The following MIGA2 variants were observed in gnomAD, a reference collection of about 807,000 sequenced individuals.
MIGA2 encodes the protein family with sequence similarity 73, member B.
In MIGA2, 36 loss-of-function variants were observed where a neutral mutation model predicts 69.9. That is an observed-to-expected ratio of 0.52 (90% confidence interval 0.39 to 0.68). MIGA2 has a LOEUF of 0.68. MIGA2 is among the 30% of genes least tolerant of loss of function. The pLI, the probability that MIGA2 is intolerant of heterozygous loss-of-function variation, is 0.00. For missense variants in MIGA2, 660 were observed against 787.7 expected (o/e 0.84, Z 1.94); for synonymous variants, 333 against 349.2 (o/e 0.95, Z 0.52).
intron 6 of MIGA2, among the ~76,000 whole-genome samples, chr9:129,053,707 T>C (rs1845663513): frequency 6.6e-6 from 1 of 152,188 alleles, no homozygotes; most frequent in African/African-American, 2.4e-5. Flanking sequence ...AAATATAGGC[T>C]GGGCACAGTG....
In MIGA2 at chr9:129,068,175, C is replaced by T. The variant is rs1236352421; in HGVS notation, c.1270-23C>T. ...CTCCGGCAGTGCCCCCATGCATGAG[C>T]CTCCCGGGGGCACCCTCTGTAGGTG... On this transcript the variant is annotated intron_variant, in intron 12 of 15. Coordinates refer to ENST00000684074, the MANE Select transcript of MIGA2 (RefSeq NM_001329990.2). The surrounding 1 kb of genome is among the most constrained non-coding windows in gnomAD (Gnocchi z 4.1). 6.2e-7 allele frequency: 1 copy of T among 1,613,568 alleles called. No individual in the cohort carries two copies. Among genetic ancestry groups the T allele is most frequent in the Non-Finnish European group, 8.5e-7 (1 of 1,179,986 alleles).
At chr9:129,051,253 ATTATTTAT>A (rs752763430) in intron 6 of MIGA2, 20 of 173,006 alleles carry the variant, frequency 1.2e-4, no homozygotes, top group African/African-American at 4.3e-4. Context: ...TCAACAGTGA[ATTATTTAT>A]TTATTTATTT....
At chr9:129,063,361 A>T in intron 10 of MIGA2, 45 bp downstream of exon 10, 1 of 1,606,456 alleles carries the variant, frequency 6.2e-7, no homozygotes. Context: ...GGCAAGGGGT[A>T]GTCAGGCTGG....
rs550220083 is a variant in MIGA2, at chr9:129,067,819, C to T, written c.1217C>T (p.Ala406Val). ...AGCTACGAGGAGATGCTGAGCTATG[C>T]CCTGCGGCCCGAGACCTGGGCCACA... ...LESYEEMLSY[A>V]LRPETWATTR... Residue 406 changes from alanine (A) to valine (V), a missense_variant, in exon 12 of 16, where the codon GCC (alanine) becomes GTC (valine). Physicochemically the swap from Ala to Val is moderately conservative, Grantham distance 64 (BLOSUM62 0). This residue lies in a region of MIGA2 where 220 missense variants were observed against 301.7 expected (regional missense o/e 0.73). Coordinates refer to ENST00000684074, the MANE Select transcript of MIGA2 (RefSeq NM_001329990.2). The T allele has an allele frequency of 4.3e-6, 7 of 1,613,250 alleles. No individual in the cohort carries two copies. In the South Asian group the frequency reaches 6.6e-5, roughly 15 times the overall value.
chr9:129,063,762 C>G, intron 11 of MIGA2, 131 bp downstream of exon 11: 1 of 806,746 alleles, frequency 1.2e-6, no homozygotes. Context: ...TCTGTAGACT[C>G]TGCAACCGTG....
intron 2 of MIGA2, among the ~76,000 whole-genome samples, chr9:129,041,135 G>C (rs1486628148): frequency 6.6e-6 from 1 of 152,172 alleles, no homozygotes; most frequent in African/African-American, 2.4e-5. Flanking sequence ...AGGAGTTCAA[G>C]ACCAGCCTGA....
In MIGA2 at chr9:129,060,347, G is replaced by C; in HGVS notation, c.794-203G>C. On this transcript the variant is annotated intron_variant, in intron 7 of 15. Coordinates refer to ENST00000684074, the MANE Select transcript of MIGA2 (RefSeq NM_001329990.2). The surrounding 1 kb of genome is among the most constrained non-coding windows in gnomAD (Gnocchi z 4.8). ...GACCTCCGAGGATGTCGTGGGTGTT[G>C]AAGGAGGTCACTCACTGAGGCGAGG... 1 of 533,172 alleles carries C rather than the reference G, an allele frequency of 1.9e-6. No homozygotes were observed. The highest frequency in any genetic ancestry group is 3.4e-6 in the Non-Finnish European group (1 of 296,930). The allele number at this position is 533,172 out of a possible 1,614,324, so 33.0% of individuals were successfully genotyped here.
rs1564614475 is a variant in MIGA2, at chr9:129,059,838, G to T, written c.793+567G>T. Among the ~76,000 whole-genome samples, 1 of 152,150 alleles carries T rather than the reference G, an allele frequency of 6.6e-6. No individual in the cohort carries two copies. The highest frequency in any genetic ancestry group is 1.5e-5 in the Non-Finnish European group (1 of 68,020). On this transcript the variant is annotated intron_variant, in intron 7 of 15. Transcript: ENST00000684074. This position sits in a 1 kb window ranked among gnomAD's most constrained non-coding sequence, Gnocchi z 5.6. ...CCTGTGGGACCCTCAGACTCCTGAG[G>T]GTCCAGCTGCCTGGCTCTGCCAGTG... is the stretch of plus-strand genomic sequence containing the variant.
At chr9:129,042,879 T>C (rs1171825361) in intron 3 of MIGA2, among the ~76,000 whole-genome samples, 2 of 152,122 alleles carry the variant, frequency 1.3e-5, no homozygotes, top group African/African-American at 4.8e-5. Flanking sequence ...GCAGTATTCC[T>C]CCCATTCCCT....
rs1846160878 is a variant in MIGA2, at chr9:129,063,242, A to G, written c.1011-2A>G. On this transcript the variant is annotated splice_acceptor_variant, in intron 9 of 15. Transcript: ENST00000684074. LOFTEE classifies it high-confidence loss of function. Reference sequence around the variant, plus strand: ...GTGTGACGCCGTCTGTCCTCCCCTCAGGACGGAGCTGCTGGGCTGCTACAG... The same window carrying G: ...GTGTGACGCCGTCTGTCCTCCCCTCGGGACGGAGCTGCTGGGCTGCTACAG... The G allele has an allele frequency of 1.2e-6, 2 of 1,613,898 alleles. No homozygotes were observed. The highest frequency in any genetic ancestry group is 4.5e-5 in the East Asian group (2 of 44,870).
In MIGA2 at chr9:129,068,019, G is replaced by GCCA. The variant is rs752127184; in HGVS notation, c.1269+149_1269+151dup. On this transcript the variant is annotated intron_variant, in intron 12 of 15. Transcript: ENST00000684074. The surrounding 1 kb of genome is among the most constrained non-coding windows in gnomAD (Gnocchi z 4.1). Reference sequence around the variant, plus strand: ...GTCCCCGGTTCCTGCCCTGCCCCAGGCCAAGGCAGAGGGAGGAATGGCCTC... The same window carrying GCCA: ...GTCCCCGGTTCCTGCCCTGCCCCAGGCCACCAAGGCAGAGGGAGGAATGGCCTC... 2.4e-6 allele frequency: 3 copies of GCCA among 1,276,482 alleles called. No individual in the cohort carries two copies. The highest frequency in any genetic ancestry group is 3.3e-6 in the Non-Finnish European group (3 of 902,282). 79.1% of individuals were successfully genotyped at this position (1,276,482 alleles called of 1,614,324 possible).
chr9:129,040,327 C>A, intron 1 of MIGA2, 125 bp from the exon 2 acceptor site: 1 of 573,878 alleles, frequency 1.7e-6, no homozygotes, highest in Non-Finnish European at 2.6e-6. Context: ...GGCCTGATTC[C>A]AGGCCTGGGG....
In MIGA2 at chr9:129,045,431, G is replaced by C. The variant is rs145520474; in HGVS notation, c.307+2917G>C. On this transcript the variant is annotated intron_variant, in intron 3 of 15. Coordinates refer to ENST00000684074, the MANE Select transcript of MIGA2 (RefSeq NM_001329990.2). ...CACTCCAGCCTGGGCTATGGAGTAA[G>C]ACTCTGTCTCAAAAAAAAAAAAAAA... is the stretch of plus-strand genomic sequence containing the variant. 9.1e-3 allele frequency among the ~76,000 whole-genome samples: 972 copies of C among 107,026 alleles called. 12 individuals are homozygous for C. Among genetic ancestry groups the C allele is most frequent in the African/African-American group, 0.034 (910 of 26,748 alleles). The allele number at this position is 107,026 out of a possible 152,430, so 70.2% of individuals were successfully genotyped here. A position where few individuals can be genotyped will look rare whatever the true frequency, so the allele number is the denominator to read the frequency against.
intron 6 of MIGA2, among the ~76,000 whole-genome samples, chr9:129,053,438 A>G (rs1845648472): frequency 6.7e-6 from 1 of 148,496 alleles, no homozygotes; most frequent in Non-Finnish European, 1.5e-5. Context: ...ATCTTGGCTC[A>G]CTGCAACTTC....
At chr9:129,055,825 G>A (rs192935575) in intron 6 of MIGA2, among the ~76,000 whole-genome samples, 1 of 151,114 alleles carries the variant, frequency 6.6e-6, no homozygotes, top group Non-Finnish European at 1.5e-5. Flanking sequence ...CTCCAGCCTG[G>A]GCGACAGAGC....
Position 129,060,426 on chromosome 9 carries a change from T to C in MIGA2, c.794-124T>C. 1.3e-6 allele frequency: 1 copy of C among 749,874 alleles called. No individual in the cohort carries two copies. Among genetic ancestry groups the C allele is most frequent in the Non-Finnish European group, 2.2e-6 (1 of 459,148 alleles). 46.5% of individuals were successfully genotyped at this position (749,874 alleles called of 1,614,324 possible). ...GGCACGTCAGAGCTTTGCCATTGAG[T>C]GTGGGAATCACAGGCTCGGGATGAA... On this transcript the variant is annotated intron_variant, in intron 7 of 15. Coordinates refer to ENST00000684074, the MANE Select transcript of MIGA2 (RefSeq NM_001329990.2). The surrounding 1 kb of genome is among the most constrained non-coding windows in gnomAD (Gnocchi z 4.8).
In MIGA2 at chr9:129,061,450, T is replaced by C. The variant is rs1271235161; in HGVS notation, c.1010+104T>C. On this transcript the variant is annotated intron_variant, in intron 9 of 15. Coordinates refer to ENST00000684074, the MANE Select transcript of MIGA2 (RefSeq NM_001329990.2). The surrounding 1 kb of genome is among the most constrained non-coding windows in gnomAD (Gnocchi z 5.0). ...AGCGGTGCTTGGCGAGGACTTAGCC[T>C]GAGTGAGTCCAGGCTGCCTGAGGGC... 2 of 1,037,340 alleles carry C rather than the reference T, an allele frequency of 1.9e-6. No individual in the cohort carries two copies. Among genetic ancestry groups the C allele is most frequent in the African/African-American group, 1.6e-5 (1 of 63,396 alleles). 64.3% of individuals were successfully genotyped at this position (1,037,340 alleles called of 1,614,324 possible).
chr9:129,061,079 G>T lies in MIGA2; in HGVS notation c.895-152G>T. 1.5e-6 allele frequency: 1 copy of T among 689,166 alleles called. No homozygotes were observed. Among genetic ancestry groups the T allele is most frequent in the Non-Finnish European group, 2.6e-6 (1 of 389,100 alleles). 42.7% of individuals were successfully genotyped at this position (689,166 alleles called of 1,614,324 possible). ...ACTGGGCTCGAACTGGAGCCTCCTGGCCAGTGTTCCCTCTGACATCCCCTC... is the reference window on the plus strand; with the variant it reads ...ACTGGGCTCGAACTGGAGCCTCCTGTCCAGTGTTCCCTCTGACATCCCCTC... On this transcript the variant is annotated intron_variant, in intron 8 of 15. Coordinates refer to ENST00000684074, the MANE Select transcript of MIGA2 (RefSeq NM_001329990.2). This position sits in a 1 kb window ranked among gnomAD's most constrained non-coding sequence, Gnocchi z 5.0.
intron 11 of MIGA2, 106 bp from the exon 12 acceptor site, chr9:129,067,667 G>T: frequency 2.1e-6 from 2 of 962,966 alleles, no homozygotes; most frequent in Non-Finnish European, 3.2e-6. Flanking sequence ...TGCCTGCTGC[G>T]TGGGGATGGG....
Sources: gnomAD v4.1 joint callset for allele counts (sites outside exome capture counted in the v4.1 genomes callset) on GRCh38, gnomAD v4.1.1 for gene constraint, gnomAD v4.1.1 regional missense constraint, Gnocchi (gnomAD v3.1) non-coding constraint, MANE v1.5 for transcripts, NCBI Gene and HGNC (gene_info 2026-07-23, HGNC 2026-07-21) for gene names.